Variants in MELK observed in about 807,000 individuals in gnomAD.
The protein encoded by MELK is maternal embryonic leucine zipper kinase.
In MELK, 81 loss-of-function variants were observed where a neutral mutation model predicts 85.0. That is an observed-to-expected ratio of 0.95 (90% CI 0.80 to 1.15). MELK has a LOEUF of 1.15. Ranked by LOEUF, MELK falls within the 50% of genes most tolerant of loss-of-function variation. The pLI, the probability that MELK is intolerant of heterozygous loss-of-function variation, is 0.00. For synonymous variants in MELK, 252 were observed against 265.0 expected (o/e 0.95, Z 0.48); for missense variants, 754 against 777.5 (o/e 0.97, Z 0.36).
chr9:36,655,792 C>G (rs1427894146), intron 12 of MELK, among the ~76,000 whole-genome samples: 2 of 152,116 alleles, frequency 1.3e-5, no homozygotes, highest in African/African-American at 4.8e-5. Flanking sequence ...GCATCCAGTT[C>G]CAAATGACAG....
rs1466112779 is a variant in MELK at position 36,580,323 on chromosome 9, C to T, written c.-38-1321C>T. 1.2e-4 allele frequency among the ~76,000 whole-genome samples: 18 copies of T among 151,414 alleles called. No homozygotes were observed. In the South Asian group the frequency reaches 1.7e-3, roughly 14 times the overall value. On this transcript the variant is annotated intron_variant, in intron 1 of 17. Transcript: ENST00000298048. ...GGTTACAGGCGTGAGCCACCGCACC[C>T]GGCCTTTTTTTTTGAGACGGAGTTT... is the stretch of plus-strand genomic sequence containing the variant.
chr9:36,669,218 A>T, intron 14 of MELK, 92 bp from the exon 15 acceptor site: 2 of 757,724 alleles, frequency 2.6e-6, no homozygotes, highest in Non-Finnish European at 4.1e-6. Flanking sequence ...TGAGTCAATG[A>T]ATAATGTGAT....
At chr9:36,650,757 G>C (rs1264839143) in intron 11 of MELK, among the ~76,000 whole-genome samples, 1 of 152,214 alleles carries the variant, frequency 6.6e-6, no homozygotes, top group Non-Finnish European at 1.5e-5. Flanking sequence ...TACATTGTAA[G>C]ATAGAGGTGA....
intron 10 of MELK, among the ~76,000 whole-genome samples, chr9:36,636,802 T>TTCTGTCTGTCTGTCTGTCTGTCTG (rs1223127116): frequency 5.3e-5 from 4 of 75,256 alleles, no homozygotes; most frequent in African/African-American, 1.7e-4. Context: ...CTTTCTTTCT[T>TTCTGTCTGTCTGTCTGTCTGTCTG]TCTGTCTTTC....
chr9:36,627,371 CCT>C (rs762516502), intron 8 of MELK, among the ~76,000 whole-genome samples: 25 of 152,244 alleles, frequency 1.6e-4, no homozygotes, highest in Middle Eastern at 3.4e-3. Context: ...CAAAAATCAG[CCT>C]CTCTGATGAG....
chr9:36,660,231 C>G (rs576688409), intron 13 of MELK, among the ~76,000 whole-genome samples: 2 of 152,228 alleles, frequency 1.3e-5, no homozygotes, highest in South Asian at 4.2e-4. Context: ...TATTCTCTAA[C>G]TTTTTTTTCA....
At chr9:36,671,255 G>T in intron 16 of MELK, 89 bp downstream of exon 16, 1 of 1,308,710 alleles carries the variant, frequency 7.6e-7, no homozygotes. Context: ...GAATTGATTA[G>T]TGTTTTTTAT....
chr9:36,627,995 G>C (rs191825688), intron 8 of MELK, among the ~76,000 whole-genome samples: 108 of 151,692 alleles, frequency 7.1e-4, no homozygotes, highest in Middle Eastern at 6.9e-3. Flanking sequence ...TCCACCTCCC[G>C]GGTTCAAGTG....
At chr9:36,636,024 TG>T (rs1398549678) in intron 10 of MELK, among the ~76,000 whole-genome samples, 2 of 151,836 alleles carry the variant, frequency 1.3e-5, no homozygotes, top group Admixed American at 1.3e-4. Flanking sequence ...CTTGAACTCC[TG>T]ACCTGCCTGC....
intron 8 of MELK, among the ~76,000 whole-genome samples, chr9:36,627,711 G>C (rs990318810): frequency 6.6e-6 from 1 of 151,712 alleles, no homozygotes; most frequent in Non-Finnish European, 1.5e-5. Context: ...ATTTTTAGTA[G>C]AGACGGGGTT....
In MELK at chr9:36,577,612, G is replaced by A. The variant is rs576067223; in HGVS notation, c.-38-4032G>A. On this transcript the variant is annotated intron_variant, in intron 1 of 17. Transcript: ENST00000298048. Reference sequence around the variant, plus strand: ...CTGCCAAAGTGCTGGGATTACAGGCGTGAGCCACTGCACCTGGCCTCGACT... The same window carrying A: ...CTGCCAAAGTGCTGGGATTACAGGCATGAGCCACTGCACCTGGCCTCGACT... Among the ~76,000 whole-genome samples the A allele has an allele frequency of 5.3e-5, 8 of 151,822 alleles. No individual in the cohort carries two copies. The South Asian group carries it at 1.3e-3, about 24-fold the overall frequency.
chr9:36,602,196 C>T (rs1424881189), intron 7 of MELK, among the ~76,000 whole-genome samples: 1 of 152,032 alleles, frequency 6.6e-6, no homozygotes, highest in East Asian at 1.9e-4. Context: ...CAACAGTGTA[C>T]AGGAGTTTCA....
chr9:36,610,654 C>T (rs1825985302), intron 8 of MELK, among the ~76,000 whole-genome samples: 1 of 152,180 alleles, frequency 6.6e-6, no homozygotes, highest in African/African-American at 2.4e-5. Context: ...GTTGCTTTGG[C>T]TTCTGCATGC....
At chr9:36,648,980 A>C (rs1435600660) in intron 11 of MELK, among the ~76,000 whole-genome samples, 2 of 152,168 alleles carry the variant, frequency 1.3e-5, no homozygotes, top group Non-Finnish European at 2.9e-5. Flanking sequence ...AGAAAAAAAA[A>C]CCCCAGATAT....
intron 2 of MELK, 27 bp from the exon 3 acceptor site, chr9:36,583,600 G>A: frequency 2.0e-6 from 3 of 1,517,618 alleles, no homozygotes; most frequent in Non-Finnish European, 2.7e-6. Context: ...CCTTGCTTAT[G>A]CTTTCATAAT....
chr9:36,602,978 T>C (rs1027710614), intron 7 of MELK, among the ~76,000 whole-genome samples: 1 of 152,206 alleles, frequency 6.6e-6, no homozygotes, highest in Non-Finnish European at 1.5e-5. Context: ...TGAGTGAGAT[T>C]TGAGTGGAGT....
intron 17 of MELK, among the ~76,000 whole-genome samples, chr9:36,675,653 G>GT (rs1833282472): frequency 6.6e-6 from 1 of 152,118 alleles, no homozygotes; most frequent in Non-Finnish European, 1.5e-5. Context: ...GCTTTAGGAA[G>GT]TTTTTTCACC....
intron 8 of MELK, among the ~76,000 whole-genome samples, chr9:36,615,890 G>A (rs1439204036): frequency 6.7e-6 from 1 of 150,182 alleles, no homozygotes; most frequent in Non-Finnish European, 1.5e-5. Context: ...CAGGCAGAGG[G>A]GCTCCTCACA....
chr9:36,658,075 C>T (rs891823001), intron 13 of MELK, among the ~76,000 whole-genome samples: 10 of 151,270 alleles, frequency 6.6e-5, no homozygotes, highest in African/African-American at 2.4e-4. Context: ...GGCTAACTTC[C>T]CCTCCCAACT....
Sources: gnomAD v4.1 joint callset for allele counts (sites outside exome capture counted in the v4.1 genomes callset) on GRCh38, gnomAD v4.1.1 for gene constraint, MANE v1.5 for transcripts, NCBI Gene and HGNC (gene_info 2026-07-23, HGNC 2026-07-21) for gene names.